The following PEBP4 variants were observed in gnomAD, a reference collection of about 807,000 sequenced individuals.
PEBP4 encodes the protein phosphatidylethanolamine-binding protein 4.
A neutral mutation model predicts 23.9 loss-of-function variants in PEBP4; 22 were observed. That is an observed-to-expected ratio of 0.92 (90% CI 0.66 to 1.31). The LOEUF (loss-of-function observed/expected upper bound fraction) is 1.31. Among genes scored for constraint, PEBP4 ranks in the 40% most tolerant of loss-of-function variants. PEBP4 has a pLI of 0.00. For missense variants in PEBP4, 324 were observed against 281.7 expected (o/e 1.15, Z -1.07); for synonymous variants, 112 against 99.3 (o/e 1.13, Z -0.76).
Position 22,724,875 on chromosome 8 carries a change from A to G in PEBP4, c.485T>C (p.Ile162Thr). The G allele has an allele frequency of 1.9e-6, 3 of 1,614,034 alleles. No individual in the cohort carries two copies. The highest frequency in any genetic ancestry group is 2.5e-6 in the Non-Finnish European group (3 of 1,179,922). The change falls in exon 6 of 7, where the codon ATC (isoleucine) becomes ACC (threonine). Residue 162 changes from isoleucine to threonine, a missense_variant. By Grantham distance (89) the Ile-to-Thr change is moderately conservative. Transcript: ENST00000256404. ...TTTGTTTTCCTTGGGAAGGAGAGAG[A>G]TGACTTTTCCTTCCTGAAGATAGAC... Reference protein sequence around the residue: ...FFVYLQEGKVISLLPKENKTR... With the variant: ...FFVYLQEGKVTSLLPKENKTR...
At chr8:22,924,940 G>A in intron 2 of PEBP4, 3 of 985,280 alleles carry the variant, frequency 3.0e-6, no homozygotes, top group Non-Finnish European at 3.6e-6. Flanking sequence ...AATACCTTTA[G>A]GCATTGAGTC....
At chr8:22,807,568 T>C (rs1806524566) in intron 4 of PEBP4, among the ~76,000 whole-genome samples, 1 of 152,236 alleles carries the variant, frequency 6.6e-6, no homozygotes, top group African/African-American at 2.4e-5. Flanking sequence ...ATCAAGGGCC[T>C]CAATTAACTC....
intron 3 of PEBP4, among the ~76,000 whole-genome samples, chr8:22,843,480 C>T (rs1242419824): frequency 6.6e-6 from 1 of 152,194 alleles, no homozygotes; most frequent in Non-Finnish European, 1.5e-5. Flanking sequence ...CATACACAGG[C>T]TTTGCTGAAA....
intron 4 of PEBP4, among the ~76,000 whole-genome samples, chr8:22,771,372 G>A (rs957204363): frequency 6.6e-5 from 10 of 152,164 alleles, no homozygotes; most frequent in Admixed American, 5.2e-4. Context: ...GCCTGTAGTC[G>A]CAGCTACTTG....
At chr8:22,784,168 G>T (rs1281486920) in intron 4 of PEBP4, among the ~76,000 whole-genome samples, 1 of 152,170 alleles carries the variant, frequency 6.6e-6, no homozygotes, top group African/African-American at 2.4e-5. Context: ...ATCTTTGTTG[G>T]TTTTCTTCTG....
chr8:22,842,695 G>A (rs116605086), intron 3 of PEBP4, among the ~76,000 whole-genome samples: 3,748 of 152,274 alleles, frequency 0.025, 158 homozygotes, highest in African/African-American at 0.084. Context: ...GCCATAAGAC[G>A]CAGGGCTGGC....
chr8:22,862,103 C>T (rs925517176), intron 3 of PEBP4, among the ~76,000 whole-genome samples: 25 of 152,044 alleles, frequency 1.6e-4, no homozygotes, highest in African/African-American at 4.8e-4. Context: ...AAAAGCACTC[C>T]GGCTGAACTG....
chr8:22,722,901 T>C (rs1804547245), intron 6 of PEBP4, among the ~76,000 whole-genome samples: 1 of 151,482 alleles, frequency 6.6e-6, no homozygotes, highest in Non-Finnish European at 1.5e-5. Context: ...GCCTCCGGAG[T>C]AGCTGGGACT....
intron 4 of PEBP4, among the ~76,000 whole-genome samples, chr8:22,809,884 G>C (rs948153617): frequency 6.6e-6 from 1 of 152,236 alleles, no homozygotes; most frequent in Non-Finnish European, 1.5e-5. Context: ...GAGATGCCAA[G>C]GGGCACACCT....
intron 3 of PEBP4, among the ~76,000 whole-genome samples, chr8:22,899,222 CCCTATGCAGGCTGCACACAGACT>C (rs1372770251): frequency 6.6e-6 from 1 of 152,212 alleles, no homozygotes; most frequent in African/African-American, 2.4e-5. Context: ...AGAAAATCTG[CCCTATGCAGGCTGCACACAGACT>C]CAGGGAGCCA....
intron 3 of PEBP4, among the ~76,000 whole-genome samples, chr8:22,839,859 C>T (rs567490972): frequency 1.3e-5 from 2 of 151,342 alleles, no homozygotes; most frequent in Admixed American, 6.6e-5. Flanking sequence ...CTCGCCCAAA[C>T]CCCAATTGGA....
At chr8:22,931,547 C>T (rs1809456742), upstream of PEBP4, among the ~76,000 whole-genome samples, 1 of 151,064 alleles carries the variant, frequency 6.6e-6, no homozygotes, top group Non-Finnish European at 1.5e-5. Flanking sequence ...ACAAATTGCT[C>T]CATCCCTAAA....
rs147623089 is a variant in PEBP4 at position 22,782,859 on chromosome 8, C to T, written c.357+34778G>A. Among the ~76,000 whole-genome samples the T allele has an allele frequency of 6.2e-3, 940 of 152,310 alleles. 6 individuals are homozygous for T. Among genetic ancestry groups the T allele is most frequent in the Non-Finnish European group, 0.01 (695 of 68,012 alleles). ...ACACATCACACCTGGAGGTTAGTGT[C>T]CTCAGTGGTAACTGAGTAACCAACC... On this transcript the variant is annotated intron_variant, in intron 4 of 6. Transcript: ENST00000256404.
intron 3 of PEBP4, among the ~76,000 whole-genome samples, chr8:22,909,810 C>T (rs1049118311): frequency 8.5e-5 from 13 of 152,216 alleles, no homozygotes; most frequent in African/African-American, 2.9e-4. Context: ...GCCTTCTGTG[C>T]TGGGTGGCTG....
intron 4 of PEBP4, among the ~76,000 whole-genome samples, chr8:22,777,759 G>A (rs933228612): frequency 6.6e-6 from 1 of 152,172 alleles, no homozygotes; most frequent in African/African-American, 2.4e-5. Flanking sequence ...CCGACCATGA[G>A]GTATTTTCCT....
At chr8:22,907,100 G>A (rs545662969) in intron 3 of PEBP4, among the ~76,000 whole-genome samples, 2 of 152,192 alleles carry the variant, frequency 1.3e-5, no homozygotes, top group East Asian at 3.9e-4. Context: ...ATGAGTGGGA[G>A]GAGGGATGCA....
intron 4 of PEBP4, among the ~76,000 whole-genome samples, chr8:22,778,984 G>C (rs939416675): frequency 6.6e-6 from 1 of 151,828 alleles, no homozygotes; most frequent in Non-Finnish European, 1.5e-5. Flanking sequence ...CTGCCTGCGT[G>C]GGGGGCACGG....
intron 4 of PEBP4, among the ~76,000 whole-genome samples, chr8:22,808,492 T>A (rs1806549305): frequency 6.6e-6 from 1 of 152,210 alleles, no homozygotes; most frequent in African/African-American, 2.4e-5. Flanking sequence ...CAGGAACTCA[T>A]GGTCTAAGAG....
At chr8:22,766,595 AC>A (rs1310910344) in intron 4 of PEBP4, among the ~76,000 whole-genome samples, 2 of 152,216 alleles carry the variant, frequency 1.3e-5, no homozygotes, top group East Asian at 3.8e-4. Context: ...TGCCTGTGAC[AC>A]ATCCCTGCAC....
Sources: allele counts gnomAD v4.1 joint callset (sites outside exome capture counted in the v4.1 genomes callset), GRCh38; gene constraint gnomAD v4.1.1; transcripts MANE v1.5; gene names NCBI Gene and HGNC (gene_info 2026-07-23, HGNC 2026-07-21).